Variants in CMIP observed in about 807,000 individuals in gnomAD.
The protein encoded by CMIP is C-Maf-inducing protein.
Under a neutral mutation model 97.3 loss-of-function variants are expected in CMIP, and 13 were observed. The observed-to-expected ratio is 0.13, with a 90% CI of 0.09 to 0.21. The LOEUF (loss-of-function observed/expected upper bound fraction) is 0.21. Among genes scored for constraint, CMIP ranks in the 10% least tolerant of loss-of-function variants. CMIP has a pLI of 1.00. For synonymous variants in CMIP, 538 were observed against 436.3 expected (o/e 1.23, Z -2.91); for missense variants, 847 against 1,024.9 (o/e 0.83, Z 2.37).
chr16:81,461,738 C>CCTGGAT (rs1422013323), intron 1 of CMIP, among the ~76,000 whole-genome samples: 1 of 152,204 alleles, frequency 6.6e-6, no homozygotes, highest in Non-Finnish European at 1.5e-5. Context: ...CAAAGCAGTG[C>CCTGGAT]CTGGATCTGG....
chr16:81,463,963 C>T (rs912900395), intron 1 of CMIP: 1 of 152,244 alleles, frequency 6.6e-6, no homozygotes, highest in African/African-American at 2.4e-5. Context: ...CTTCATTTCT[C>T]CTGCCCCTCA....
chr16:81,498,038 A>T (rs911792494), intron 1 of CMIP, among the ~76,000 whole-genome samples: 1 of 152,200 alleles, frequency 6.6e-6, no homozygotes, highest in Non-Finnish European at 1.5e-5. Context: ...TCATTCATTC[A>T]TGCATGCATG....
Position 81,711,022 on chromosome 16 carries a change from C to T in CMIP, c.*1223C>T, listed in dbSNP as rs1908711077. 6.9e-6 allele frequency: 1 copy of T among 144,666 alleles called. No homozygotes were observed. Among genetic ancestry groups the T allele is most frequent in the Non-Finnish European group, 1.5e-5 (1 of 65,832 alleles). The allele number at this position is 144,666 out of a possible 1,614,324, so 9.0% of individuals were successfully genotyped here. A position where few individuals can be genotyped will look rare whatever the true frequency, so the allele number is the denominator to read the frequency against. ...CAGTCCGACTGCCCTCCCCACCCCACCCCCGCCACCCCCCACATGTGACCA... is the reference window on the plus strand; with the variant it reads ...CAGTCCGACTGCCCTCCCCACCCCATCCCCGCCACCCCCCACATGTGACCA... On this transcript the variant is annotated 3_prime_UTR_variant, in exon 21 of 21. Coordinates refer to ENST00000537098, the MANE Select transcript of CMIP (RefSeq NM_198390.3).
chr16:81,539,268 G>A (rs902222255), intron 1 of CMIP, among the ~76,000 whole-genome samples: 4 of 152,146 alleles, frequency 2.6e-5, no homozygotes, highest in African/African-American at 4.8e-5. Context: ...CCATCAGCCC[G>A]GCAGTCTGAA....
intron 6 of CMIP, among the ~76,000 whole-genome samples, chr16:81,662,585 C>G (rs1344904360): frequency 6.6e-6 from 1 of 152,144 alleles, no homozygotes; most frequent in Non-Finnish European, 1.5e-5. Context: ...GCGCTGCGTC[C>G]GCTCTGCCAA....
chr16:81,513,843 C>T (rs1453824417), intron 1 of CMIP, among the ~76,000 whole-genome samples: 1 of 152,240 alleles, frequency 6.6e-6, no homozygotes, highest in African/African-American at 2.4e-5. Flanking sequence ...TTTCATTCCA[C>T]TGACTTGCAA....
At chr16:81,488,144 C>G (rs1413577950) in intron 1 of CMIP, among the ~76,000 whole-genome samples, 1 of 151,146 alleles carries the variant, frequency 6.6e-6, no homozygotes, top group East Asian at 2.0e-4. Context: ...CCTTAGCATA[C>G]TAAAGATGAG....
chr16:81,569,080 G>A lies in CMIP; in HGVS notation c.301-38487G>A, dbSNP rs193200768. Among the ~76,000 whole-genome samples the A allele has an allele frequency of 5.9e-3, 905 of 152,306 alleles. 9 individuals carry two copies. Among genetic ancestry groups the A allele is most frequent in the African/African-American group, 0.021 (853 of 41,574 alleles). ...ATAAGATCGTACATTTTACGAAGAA[G>A]GCATCTGTAGCACCCTTATGAATGC... is the stretch of plus-strand genomic sequence containing the variant. On this transcript the variant is annotated intron_variant, in intron 1 of 20. Coordinates refer to ENST00000537098, the MANE Select transcript of CMIP (RefSeq NM_198390.3).
At chr16:81,672,500 G>A (rs1436424166) in intron 9 of CMIP, among the ~76,000 whole-genome samples, 2 of 152,226 alleles carry the variant, frequency 1.3e-5, no homozygotes, top group Non-Finnish European at 1.5e-5. Context: ...TTGGGGACAA[G>A]GGTTGACAGT....
chr16:81,484,346 G>A (rs1327793769), intron 1 of CMIP, among the ~76,000 whole-genome samples: 1 of 152,244 alleles, frequency 6.6e-6, no homozygotes, highest in Non-Finnish European at 1.5e-5. Context: ...GAGGCCTGGT[G>A]CAGCTCAGAA....
intron 13 of CMIP, chr16:81,696,239 G>A (rs531413688): frequency 1.1e-4 from 48 of 428,490 alleles, no homozygotes; most frequent in African/African-American, 8.3e-4. Flanking sequence ...GATTGTGGGC[G>A]GTTGCTCTGG....
At chr16:81,569,910 G>A (rs1261527310) in intron 1 of CMIP, among the ~76,000 whole-genome samples, 1 of 152,192 alleles carries the variant, frequency 6.6e-6, no homozygotes, top group Admixed American at 6.5e-5. Context: ...ACTGTGGTAG[G>A]TGCTGTCTAA....
intron 1 of CMIP, among the ~76,000 whole-genome samples, chr16:81,545,021 C>G (rs936955566): frequency 2.0e-5 from 3 of 152,176 alleles, no homozygotes; most frequent in Admixed American, 2.0e-4. Flanking sequence ...ACACCCTGTG[C>G]TCCAGCCACA....
intron 3 of CMIP, among the ~76,000 whole-genome samples, chr16:81,628,725 A>C (rs1413799007): frequency 6.6e-6 from 1 of 152,148 alleles, no homozygotes; most frequent in East Asian, 1.9e-4. Flanking sequence ...ACTTGGGAGC[A>C]GTGCCCCGGC....
intron 1 of CMIP, among the ~76,000 whole-genome samples, chr16:81,465,449 G>A (rs4889323): frequency 0.16 from 24,338 of 152,216 alleles, 2,106 homozygotes; most frequent in Non-Finnish European, 0.2. Context: ...GTGTCCTGCT[G>A]TGCTTGCTTC....
At chr16:81,468,598 TG>T (rs1907345649) in intron 1 of CMIP, among the ~76,000 whole-genome samples, 1 of 152,234 alleles carries the variant, frequency 6.6e-6, no homozygotes, top group Non-Finnish European at 1.5e-5. Context: ...GGGCACCTCC[TG>T]GGTACCAGGC....
At chr16:81,467,694 C>G (rs183667392) in intron 1 of CMIP, among the ~76,000 whole-genome samples, 1 of 151,142 alleles carries the variant, frequency 6.6e-6, no homozygotes, top group East Asian at 2.0e-4. Context: ...GATTCTCTTG[C>G]CTCTACCTCT....
chr16:81,549,485 G>A (rs551841145), intron 1 of CMIP, among the ~76,000 whole-genome samples: 7 of 152,246 alleles, frequency 4.6e-5, no homozygotes, highest in South Asian at 4.1e-4. Context: ...AGTGCTGTAC[G>A]TGCCCCAGGA....
chr16:81,577,383 A>T (rs2091211422), intron 1 of CMIP, among the ~76,000 whole-genome samples: 1 of 131,730 alleles, frequency 7.6e-6, no homozygotes, highest in African/African-American at 3.6e-5. Flanking sequence ...CACCTTCATC[A>T]CCACCATCAT....
Sources: gnomAD v4.1 joint callset for allele counts (sites outside exome capture counted in the v4.1 genomes callset) on GRCh38, gnomAD v4.1.1 for gene constraint, MANE v1.5 for transcripts, NCBI Gene and HGNC (gene_info 2026-07-23, HGNC 2026-07-21) for gene names.